SNTB1: variants seen among roughly 807,000 people sequenced by gnomAD.
SNTB1 encodes the protein beta-1-syntrophin.
In SNTB1, 36 loss-of-function variants were observed where a neutral mutation model predicts 48.9. The ratio of observed to expected loss-of-function variants is 0.74; its 90% CI spans 0.56 to 0.97. The LOEUF (loss-of-function observed/expected upper bound fraction) is 0.97, where lower values mean the gene tolerates loss of function less well. SNTB1 is among the 50% of genes least tolerant of loss of function. The pLI, the probability that SNTB1 is intolerant of heterozygous loss-of-function variation, is 0.00. For synonymous variants in SNTB1, 299 were observed against 294.6 expected (o/e 1.01, Z -0.15); for missense variants, 786 against 703.4 (o/e 1.12, Z -1.33).
chr8:120,689,499 C>T lies in SNTB1; in HGVS notation c.788+4193G>A, dbSNP rs934924171. ...TGTCTATAAAGTAGAGAGGAGTTCC[C>T]GCTACCTATGATGGTTATTTGAATT... On this transcript the variant is annotated intron_variant, in intron 2 of 6. Transcript: ENST00000517992. 3.9e-5 allele frequency among the ~76,000 whole-genome samples: 6 copies of T among 152,236 alleles called. No homozygotes were observed. In the East Asian group the frequency reaches 9.7e-4, roughly 24 times the overall value.
intron 4 of SNTB1, among the ~76,000 whole-genome samples, chr8:120,551,836 T>C (rs771001127): frequency 9.9e-5 from 15 of 151,768 alleles, no homozygotes; most frequent in Non-Finnish European, 1.9e-4. Flanking sequence ...TTCTTACACC[T>C]ACCCTTAGTT....
intron 2 of SNTB1, among the ~76,000 whole-genome samples, chr8:120,686,110 C>T (rs1818026899): frequency 6.6e-6 from 1 of 152,204 alleles, no homozygotes; most frequent in Non-Finnish European, 1.5e-5. Flanking sequence ...TTCTCTACAG[C>T]TCTCCTCTTC....
chr8:120,676,390 A>G (rs1817834402), intron 2 of SNTB1, among the ~76,000 whole-genome samples: 1 of 152,202 alleles, frequency 6.6e-6, no homozygotes, highest in Non-Finnish European at 1.5e-5. Context: ...CATTTTACAT[A>G]TGGAATAACT....
chr8:120,541,684 A>G lies in SNTB1; in HGVS notation c.1524+126T>C, dbSNP rs138172211. On this transcript the variant is annotated intron_variant, in intron 6 of 6. Coordinates refer to ENST00000517992, the MANE Select transcript of SNTB1 (RefSeq NM_021021.4). The stretch of plus-strand genomic sequence containing the variant: ...ACCTAATCACCGTTTTTCAAGGATC[A>G]AATAAAACATGGGCTTGCAAGCACA... 1,072 of 581,080 alleles carry G rather than the reference A, an allele frequency of 1.8e-3. 10 individuals are homozygous for G. The African/African-American group carries it at 0.019, about 10-fold the overall frequency. The allele number at this position is 581,080 out of a possible 1,614,324, so 36.0% of individuals were successfully genotyped here. A position where few individuals can be genotyped will look rare whatever the true frequency, so the allele number is the denominator to read the frequency against.
At chr8:120,580,446 A>G (rs1232959231) in intron 3 of SNTB1, among the ~76,000 whole-genome samples, 2 of 152,222 alleles carry the variant, frequency 1.3e-5, no homozygotes, top group Admixed American at 6.5e-5. Flanking sequence ...GACAATGTAT[A>G]TAAAACTTCC....
chr8:120,609,419 C>T (rs1469047142), intron 3 of SNTB1, among the ~76,000 whole-genome samples: 1 of 152,160 alleles, frequency 6.6e-6, no homozygotes, highest in Non-Finnish European at 1.5e-5. Context: ...CACCTACCAG[C>T]AGTAATCCTG....
chr8:120,582,866 T>G (rs902453926), intron 3 of SNTB1, among the ~76,000 whole-genome samples: 5 of 152,138 alleles, frequency 3.3e-5, no homozygotes, highest in African/African-American at 1.2e-4. Context: ...CCATGGCACA[T>G]GTATACCTGT....
At chr8:120,607,727 C>A (rs1197903882) in intron 3 of SNTB1, among the ~76,000 whole-genome samples, 1 of 152,126 alleles carries the variant, frequency 6.6e-6, no homozygotes, top group African/African-American at 2.4e-5. Context: ...TATGGCCCAG[C>A]TGGGGTAGAA....
At chr8:120,690,398 G>A (rs1274989499) in intron 2 of SNTB1, among the ~76,000 whole-genome samples, 1 of 152,126 alleles carries the variant, frequency 6.6e-6, no homozygotes, top group East Asian at 1.9e-4. Flanking sequence ...TATCTAATAT[G>A]AATATGTTTC....
intron 1 of SNTB1, among the ~76,000 whole-genome samples, chr8:120,745,661 A>G (rs1245386492): frequency 6.6e-6 from 1 of 152,138 alleles, no homozygotes; most frequent in Non-Finnish European, 1.5e-5. Flanking sequence ...ATTTGGAGCA[A>G]AACAGGAAAT....
chr8:120,745,812 C>A (rs1259526403), intron 1 of SNTB1, among the ~76,000 whole-genome samples: 1 of 152,154 alleles, frequency 6.6e-6, no homozygotes, highest in African/African-American at 2.4e-5. Flanking sequence ...CTCTCTCTCA[C>A]CCCAAAGTCT....
chr8:120,588,706 ACTT>A (rs1164368480), intron 3 of SNTB1, among the ~76,000 whole-genome samples: 22 of 152,300 alleles, frequency 1.4e-4, no homozygotes, highest in African/African-American at 5.3e-4. Context: ...TGGGGATATT[ACTT>A]CTTCTCTGAG....
intron 3 of SNTB1, among the ~76,000 whole-genome samples, chr8:120,594,481 A>C (rs910081776): frequency 4.6e-5 from 7 of 151,860 alleles, no homozygotes; most frequent in African/African-American, 1.7e-4. Flanking sequence ...CAGGTGATCC[A>C]CCTGCCTCGG....
chr8:120,682,140 TACA>T (rs1397952827), intron 2 of SNTB1, among the ~76,000 whole-genome samples: 1 of 151,892 alleles, frequency 6.6e-6, no homozygotes, highest in Non-Finnish European at 1.5e-5. Context: ...AAAAAAACCT[TACA>T]ACATCAATCT....
At chr8:120,770,860 TA>T (rs1819615403) in intron 1 of SNTB1, among the ~76,000 whole-genome samples, 1 of 152,220 alleles carries the variant, frequency 6.6e-6, no homozygotes, top group Non-Finnish European at 1.5e-5. Flanking sequence ...TGGAACCATC[TA>T]ATTTCAATGG....
chr8:120,555,074 A>C (rs145455616), intron 4 of SNTB1, among the ~76,000 whole-genome samples: 339 of 152,352 alleles, frequency 2.2e-3, no homozygotes, highest in African/African-American at 7.8e-3. Context: ...TTGTGTCCTC[A>C]TAAGATGCAT....
intron 3 of SNTB1, among the ~76,000 whole-genome samples, chr8:120,577,182 G>A (rs982372554): frequency 9.9e-5 from 15 of 152,168 alleles, no homozygotes; most frequent in African/African-American, 2.7e-4. Context: ...ATTGCTTGAT[G>A]ATCACCTTTA....
intron 2 of SNTB1, among the ~76,000 whole-genome samples, chr8:120,679,874 T>G (rs1483550145): frequency 1.3e-5 from 2 of 149,364 alleles, no homozygotes; most frequent in Non-Finnish European, 2.9e-5. Context: ...TTTTTTTGCT[T>G]TCTTTTGAAT....
At chr8:120,692,166 A>T (rs991781457) in intron 2 of SNTB1, among the ~76,000 whole-genome samples, 5 of 152,146 alleles carry the variant, frequency 3.3e-5, no homozygotes, top group Non-Finnish European at 5.9e-5. Context: ...GCGGGGTAGA[A>T]AGATCCTGCA....
Sources: gnomAD v4.1 joint callset for allele counts (sites outside exome capture counted in the v4.1 genomes callset) on GRCh38, gnomAD v4.1.1 for gene constraint, MANE v1.5 for transcripts, NCBI Gene and HGNC (gene_info 2026-07-23, HGNC 2026-07-21) for gene names.